RASSF10: variants seen among roughly 807,000 people sequenced by gnomAD.
The protein encoded by RASSF10 is Ras association domain family member 10, also known as ras association domain-containing protein 10.
Under a neutral mutation model 41.5 loss-of-function variants are expected in RASSF10, and 22 were observed. The ratio of observed to expected loss-of-function variants is 0.53; its 90% CI spans 0.38 to 0.76. The LOEUF (loss-of-function observed/expected upper bound fraction) is 0.76, where lower values mean the gene tolerates loss of function less well. Among genes scored for constraint, RASSF10 ranks in the 30% least tolerant of loss-of-function variants. RASSF10 has a pLI of 0.00. For synonymous variants in RASSF10, 364 were observed against 319.0 expected, an observed-to-expected ratio of 1.14 and a Z score of -1.50; for missense variants, 776 against 711.8, an observed-to-expected ratio of 1.09 and a Z score of -1.03.
In RASSF10 at chr11:13,009,467, G is replaced by T. The variant is rs774031171; in HGVS notation, c.-110G>T. The T allele has an allele frequency of 6.6e-7, 1 of 1,512,726 alleles. No homozygotes were observed. Among genetic ancestry groups the T allele is most frequent in the Non-Finnish European group, 8.8e-7 (1 of 1,134,014 alleles). The allele number at this position is 1,512,726 out of a possible 1,614,324, so 93.7% of individuals were successfully genotyped here. A position where few individuals can be genotyped will look rare whatever the true frequency, so the allele number is the denominator to read the frequency against. ...GGGGAACAGGGCTAGTGCAGCCGCC[G>T]GAGGGGGGCACGGGCTCCTCTCCCA... On this transcript the variant is annotated 5_prime_UTR_variant, in exon 1 of 1. Transcript: ENST00000529419.
In RASSF10 at chr11:13,009,450, G is replaced by C; in HGVS notation, c.-127G>C. On this transcript the variant is annotated 5_prime_UTR_variant, in exon 1 of 1. Transcript: ENST00000529419. ...GCCTTCGGTGCGCAGCGGGGGAACA[G>C]GGCTAGTGCAGCCGCCGGAGGGGGG... 1 of 1,502,454 alleles carries C rather than the reference G, an allele frequency of 6.7e-7. No homozygotes were observed. 93.1% of individuals were successfully genotyped at this position (1,502,454 alleles called of 1,614,324 possible). A position where few individuals can be genotyped will look rare whatever the true frequency, so the allele number is the denominator to read the frequency against.
Position 13,010,456 on chromosome 11 carries a change from C to T in RASSF10, c.880C>T (p.Pro294Ser). Reference sequence around the variant, plus strand: ...CGACGGGTCCAGACCGGGAGAGGAGCCAGAAGAGGTGGCGGCGGAGGCGGA... The same window carrying T: ...CGACGGGTCCAGACCGGGAGAGGAGTCAGAAGAGGTGGCGGCGGAGGCGGA... ...ELDGSRPGEEPEEVAAEAEEA... is the reference protein window; with the variant it reads ...ELDGSRPGEESEEVAAEAEEA... Residue 294 changes from proline (P) to serine (S), a missense_variant, in exon 1 of 1, where the codon CCA (proline) becomes TCA (serine). By Grantham distance (74) the Pro-to-Ser change is moderately conservative. Transcript: ENST00000529419. The surrounding 1 kb of genome is among the most constrained non-coding windows in gnomAD (Gnocchi z 4.8). 6.5e-7 allele frequency: 1 copy of T among 1,533,544 alleles called. No individual in the cohort carries two copies. Among genetic ancestry groups the T allele is most frequent in the African/African-American group, 1.4e-5 (1 of 72,392 alleles). The allele number at this position is 1,533,544 out of a possible 1,614,324, so 95.0% of individuals were successfully genotyped here.
rs371803683 is a variant in RASSF10, at chr11:13,009,497, A to T, written c.-80A>T. On this transcript the variant is annotated 5_prime_UTR_variant, in exon 1 of 1. Coordinates refer to ENST00000529419, the MANE Select transcript of RASSF10 (RefSeq NM_001080521.3). ...GGGGCACGGGCTCCTCTCCCATCCC[A>T]GAGCTACTGGGCTGCCCTTGCTGTC... 6.5e-7 allele frequency: 1 copy of T among 1,540,942 alleles called. No individual in the cohort carries two copies. The highest frequency in any genetic ancestry group is 1.4e-5 in the African/African-American group (1 of 72,914).
chr11:13,011,093 T>C lies in RASSF10; in HGVS notation c.1517T>C (p.Leu506Pro). The C allele has an allele frequency of 1.8e-6, 1 of 542,826 alleles. No individual in the cohort carries two copies. Among genetic ancestry groups the C allele is most frequent in the Non-Finnish European group, 2.8e-6 (1 of 362,154 alleles). The allele number at this position is 542,826 out of a possible 1,614,324, so 33.6% of individuals were successfully genotyped here. A position where few individuals can be genotyped will look rare whatever the true frequency, so the allele number is the denominator to read the frequency against. The stretch of plus-strand genomic sequence containing the variant: ...GACTCCTTGCCCATGTGCGAATCCC[T>C]TGTGTAGGGGTGGGGGGCGGGGGGC... Reference protein sequence around the residue: ...DSDSLPMCESLV With the variant: ...DSDSLPMCESPV Residue 506 changes from leucine (L) to proline (P), a missense_variant, in exon 1 of 1, where the codon CTT becomes CCT. Leu to Pro is a moderately conservative substitution (Grantham distance 98). Coordinates refer to ENST00000529419, the MANE Select transcript of RASSF10 (RefSeq NM_001080521.3).
rs1275002607 is a variant in RASSF10 at position 13,010,051 on chromosome 11, GGGGCCCCGGCGC to G, written c.478_489del (p.Ala160_Arg163del). ...CCGAGAGCGCCCCTGTCCGGCCCGC[GGGGCCCCGGCGC>G]GGCCCAGCCTGGCCATGACCCAGGA... On this transcript the variant is annotated inframe_deletion, in exon 1 of 1. Coordinates refer to ENST00000529419, the MANE Select transcript of RASSF10 (RefSeq NM_001080521.3). This position sits in a 1 kb window ranked among gnomAD's most constrained non-coding sequence, Gnocchi z 4.8. 6.5e-6 allele frequency: 10 copies of G among 1,545,386 alleles called. No individual in the cohort carries two copies. The highest frequency in any genetic ancestry group is 3.4e-4 in the Middle Eastern group (2 of 5,966).
In RASSF10 at chr11:13,009,568, G is replaced by GT. The variant is rs1295071090; in HGVS notation, c.-9_-8insT. The GT allele has an allele frequency of 1.9e-6, 3 of 1,603,836 alleles. No individual in the cohort carries two copies. The African/African-American group carries it at 4.0e-5, about 21-fold the overall frequency. ...CGGCCGGACCTGCCACCTGCGCCCT[G>GT]GTTGCGCCATGGATCCTTCGGAAAA... On this transcript the variant is annotated 5_prime_UTR_variant, in exon 1 of 1. Transcript: ENST00000529419.
At position 13,010,517 on chromosome 11, in the gene RASSF10, C is replaced by T; in HGVS notation, c.941C>T (p.Ala314Val). 6.6e-7 allele frequency: 1 copy of T among 1,515,922 alleles called. No homozygotes were observed. Among genetic ancestry groups the T allele is most frequent in the Admixed American group, 2.2e-5 (1 of 46,136 alleles). The allele number at this position is 1,515,922 out of a possible 1,614,324, so 93.9% of individuals were successfully genotyped here. A position where few individuals can be genotyped will look rare whatever the true frequency, so the allele number is the denominator to read the frequency against. The stretch of plus-strand genomic sequence containing the variant: ...GCGGCGCCCCCTCTAGCCGGCGAGG[C>T]GCAGGCGGCGGCGCTGGAGGAGCTG... Reference protein sequence around the residue: ...AAAAPPLAGEAQAAALEELAR... With the variant: ...AAAAPPLAGEVQAAALEELAR... Residue 314 changes from alanine (A) to valine (V), a missense_variant, in exon 1 of 1, where the codon GCG (alanine) becomes GTG (valine). Coordinates refer to ENST00000529419, the MANE Select transcript of RASSF10 (RefSeq NM_001080521.3). The surrounding 1 kb of genome is among the most constrained non-coding windows in gnomAD (Gnocchi z 4.8).
rs752306570 is a variant in RASSF10 at position 13,010,963 on chromosome 11, T to G, written c.1387T>G (p.Cys463Gly). The part of the protein sequence containing the change: ...SPSREPGPQA[C>G]ADMWVDQARG... ...CTCGCGGGAACCTGGGCCTCAAGCC[T>G]GCGCCGACATGTGGGTGGACCAGGC... Residue 463 changes from cysteine (C) to glycine (G), a missense_variant, in exon 1 of 1, where the codon TGC becomes GGC. Cys to Gly is a radical substitution (Grantham distance 159). Transcript: ENST00000529419. This position sits in a 1 kb window ranked among gnomAD's most constrained non-coding sequence, Gnocchi z 4.8. The G allele has an allele frequency of 1.9e-6, 3 of 1,613,638 alleles. No homozygotes were observed. The Admixed American group carries it at 5.0e-5, about 27-fold the overall frequency.
In RASSF10 at chr11:13,010,034, G is replaced by T. The variant is rs778131389; in HGVS notation, c.458G>T (p.Arg153Leu). 1.3e-6 allele frequency: 2 copies of T among 1,543,754 alleles called. No individual in the cohort carries two copies. The highest frequency in any genetic ancestry group is 1.7e-6 in the Non-Finnish European group (2 of 1,143,370). The part of the protein sequence containing the change: ...AEARVVLSRE[R>L]PCPARGAPAR... ...GCGCGCGTAGTGCTGAGCCGAGAGC[G>T]CCCCTGTCCGGCCCGCGGGGCCCCG... Residue 153 changes from arginine to leucine, a missense_variant, in exon 1 of 1, where the codon CGC becomes CTC. By Grantham distance (102) the Arg-to-Leu change is moderately radical (BLOSUM62 -2). Transcript: ENST00000529419. This position sits in a 1 kb window ranked among gnomAD's most constrained non-coding sequence, Gnocchi z 4.8.
Position 13,011,722 on chromosome 11 carries a change from T to A in RASSF10, c.*622T>A, listed in dbSNP as rs907022791. ...TTATTTTCTTTCAAAGGCTAAACTG[T>A]ATCGAAGTCTAACCCTGTATTTCCT... On this transcript the variant is annotated 3_prime_UTR_variant, in exon 1 of 1. Coordinates refer to ENST00000529419, the MANE Select transcript of RASSF10 (RefSeq NM_001080521.3). 5 of 152,310 alleles carry A rather than the reference T, an allele frequency of 3.3e-5. No homozygotes were observed. Among genetic ancestry groups the A allele is most frequent in the African/African-American group, 1.2e-4 (5 of 41,466 alleles). The allele number at this position is 152,310 out of a possible 1,614,324, so 9.4% of individuals were successfully genotyped here.
At position 13,009,366 on chromosome 11, in the gene RASSF10, C is replaced by G. The variant is rs541930998; in HGVS notation, c.-211C>G. The G allele has an allele frequency of 1.7e-6, 2 of 1,191,148 alleles. No individual in the cohort carries two copies. The highest frequency in any genetic ancestry group is 1.2e-6 in the Non-Finnish European group (1 of 837,366). The allele number at this position is 1,191,148 out of a possible 1,614,324, so 73.8% of individuals were successfully genotyped here. ...CTGGGCGCGTTGCCCCGGGAGCGCCCGTCGTCCGGGCAGAGCGCAGCCGCA... is the reference window on the plus strand; with the variant it reads ...CTGGGCGCGTTGCCCCGGGAGCGCCGGTCGTCCGGGCAGAGCGCAGCCGCA... On this transcript the variant is annotated 5_prime_UTR_variant, in exon 1 of 1. Transcript: ENST00000529419.
At position 13,010,435 on chromosome 11, in the gene RASSF10, G is replaced by A; in HGVS notation, c.859G>A (p.Gly287Arg). Reference protein sequence around the residue: ...YLVGAGIELDGSRPGEEPEEV... With the variant: ...YLVGAGIELDRSRPGEEPEEV... Reference sequence around the variant, plus strand: ...GGTTGGGGCAGGCATCGAGCTCGACGGGTCCAGACCGGGAGAGGAGCCAGA... The same window carrying A: ...GGTTGGGGCAGGCATCGAGCTCGACAGGTCCAGACCGGGAGAGGAGCCAGA... Residue 287 changes from glycine (G) to arginine (R), a missense_variant, in exon 1 of 1, where the codon GGG becomes AGG. Gly to Arg is a moderately radical substitution (Grantham distance 125). Transcript: ENST00000529419. The surrounding 1 kb of genome is among the most constrained non-coding windows in gnomAD (Gnocchi z 4.8). The A allele has an allele frequency of 6.5e-7, 1 of 1,542,864 alleles. No homozygotes were observed. Among genetic ancestry groups the A allele is most frequent in the South Asian group, 1.2e-5 (1 of 83,442 alleles).
chr11:13,009,375 G>A lies in RASSF10; in HGVS notation c.-202G>A, dbSNP rs374886126. On this transcript the variant is annotated 5_prime_UTR_variant, in exon 1 of 1. Transcript: ENST00000529419. ...TTGCCCCGGGAGCGCCCGTCGTCCG[G>A]GCAGAGCGCAGCCGCAACCGCGACC... The A allele has an allele frequency of 7.9e-7, 1 of 1,264,436 alleles. No individual in the cohort carries two copies. Among genetic ancestry groups the A allele is most frequent in the Non-Finnish European group, 1.1e-6 (1 of 907,982 alleles). 78.3% of individuals were successfully genotyped at this position (1,264,436 alleles called of 1,614,324 possible). A position where few individuals can be genotyped will look rare whatever the true frequency, so the allele number is the denominator to read the frequency against.
In RASSF10 at chr11:13,009,548, G is replaced by T; in HGVS notation, c.-29G>T. The T allele has an allele frequency of 1.3e-6, 2 of 1,595,562 alleles. No homozygotes were observed. Among genetic ancestry groups the T allele is most frequent in the East Asian group, 2.2e-5 (1 of 44,460 alleles). ...CTCGCCGCCCCAGCAGACCCCGGCC[G>T]GACCTGCCACCTGCGCCCTGGTTGC... On this transcript the variant is annotated 5_prime_UTR_variant, in exon 1 of 1. Transcript: ENST00000529419.
In RASSF10 at chr11:13,010,192, A is replaced by C. The variant is rs1949565871; in HGVS notation, c.616A>C (p.Thr206Pro). ...GTCCTGTTCGTCCACTTCGTCGTCC[A>C]CTGCCTCGTCCTGCTCTTCGTCGCC... Reference protein sequence around the residue: ...PSSCSSTSSSTASSCSSSPRT... With the variant: ...PSSCSSTSSSPASSCSSSPRT... The change falls in exon 1 of 1, where the codon ACT becomes CCT. Residue 206 changes from threonine to proline, a missense_variant. Coordinates refer to ENST00000529419, the MANE Select transcript of RASSF10 (RefSeq NM_001080521.3). The surrounding 1 kb of genome is among the most constrained non-coding windows in gnomAD (Gnocchi z 4.8). 6.3e-7 allele frequency: 1 copy of C among 1,595,432 alleles called. No individual in the cohort carries two copies. Among genetic ancestry groups the C allele is most frequent in the South Asian group, 1.1e-5 (1 of 87,056 alleles).
Position 13,010,759 on chromosome 11 carries a change from A to G in RASSF10, c.1183A>G (p.Ser395Gly), listed in dbSNP as rs367672437. The G allele has an allele frequency of 1.2e-5, 19 of 1,606,612 alleles. No homozygotes were observed. The highest frequency in any genetic ancestry group is 1.6e-5 in the Non-Finnish European group (19 of 1,176,726). The change falls in exon 1 of 1, where the codon AGT becomes GGT. Residue 395 changes from serine (S) to glycine (G), a missense_variant. Ser to Gly is a moderately conservative substitution (Grantham distance 56). Transcript: ENST00000529419. This position sits in a 1 kb window ranked among gnomAD's most constrained non-coding sequence, Gnocchi z 4.8. ...LEQERVRTQLSTSLYIGLRLN... is the reference protein window; with the variant it reads ...LEQERVRTQLGTSLYIGLRLN... ...GCAGGAACGGGTCAGGACGCAGCTC[A>G]GTACCAGCCTTTACATTGGGCTGCG...
Position 13,010,575 on chromosome 11 carries a change from G to A in RASSF10, c.999G>A (p.Gln333=). The A allele has an allele frequency of 6.4e-7, 1 of 1,561,452 alleles. No homozygotes were observed. The highest frequency in any genetic ancestry group is 8.7e-7 in the Non-Finnish European group (1 of 1,152,496). ...ARRCDDLLRL[Q]EQRVQQEELL... ...GCTGCGACGACTTGCTGCGGCTTCA[G>A]GAGCAACGGGTTCAGCAGGAGGAGT... The change falls in exon 1 of 1, where the codon CAG becomes CAA. Residue 333 remains glutamine (Q), a synonymous_variant. Coordinates refer to ENST00000529419, the MANE Select transcript of RASSF10 (RefSeq NM_001080521.3). This position sits in a 1 kb window ranked among gnomAD's most constrained non-coding sequence, Gnocchi z 4.8.
At position 13,009,529 on chromosome 11, in the gene RASSF10, G is replaced by A; in HGVS notation, c.-48G>A. ...CTGGGCTGCCCTTGCTGTCCTCGCC[G>A]CCCCAGCAGACCCCGGCCGGACCTG... is the stretch of plus-strand genomic sequence containing the variant. On this transcript the variant is annotated 5_prime_UTR_variant, in exon 1 of 1. Transcript: ENST00000529419. The A allele has an allele frequency of 6.3e-7, 1 of 1,579,872 alleles. No homozygotes were observed. Among genetic ancestry groups the A allele is most frequent in the Non-Finnish European group, 8.6e-7 (1 of 1,161,926 alleles).
rs774035944 is a variant in RASSF10 at position 13,009,882 on chromosome 11, C to A, written c.306C>A (p.Arg102=). 3.1e-6 allele frequency: 5 copies of A among 1,605,032 alleles called. No homozygotes were observed. Among genetic ancestry groups the A allele is most frequent in the Non-Finnish European group, 4.3e-6 (5 of 1,176,438 alleles). ...TGGAGAAGTGGCGCGGCTTTGAGCGCATCCTCCCCAACAAGACGCGCATCT... is the reference window on the plus strand; with the variant it reads ...TGGAGAAGTGGCGCGGCTTTGAGCGAATCCTCCCCAACAAGACGCGCATCT... ...CIVEKWRGFE[R]ILPNKTRILR... is the part of the protein sequence containing the mutation. The change falls in exon 1 of 1, where the codon CGC becomes CGA. Residue 102 remains arginine, a synonymous_variant. Coordinates refer to ENST00000529419, the MANE Select transcript of RASSF10 (RefSeq NM_001080521.3).
Sources: gnomAD v4.1 joint callset for allele counts on GRCh38, gnomAD v4.1.1 for gene constraint, Gnocchi (gnomAD v3.1) non-coding constraint, MANE v1.5 for transcripts, NCBI Gene and HGNC (gene_info 2026-07-23, HGNC 2026-07-21) for gene names.